Variants in PHACTR1 observed in about 807,000 individuals in gnomAD.
The protein encoded by PHACTR1 is RPEL repeat containing 1.
A neutral mutation model predicts 69.2 loss-of-function variants in PHACTR1; 16 were observed. That is an observed-to-expected ratio of 0.23 (90% confidence interval 0.16 to 0.35). The LOEUF is 0.35. PHACTR1 is among the 10% of genes least tolerant of loss of function. The pLI, the probability that PHACTR1 is intolerant of heterozygous loss-of-function variation, is 1.00. For missense variants in PHACTR1, 510 were observed against 734.7 expected (o/e 0.69, Z 3.54); for synonymous variants, 312 against 284.5 (o/e 1.10, Z -0.97).
intron 3 of PHACTR1, among the ~76,000 whole-genome samples, chr6:12,749,044 A>G (rs1766178981): frequency 6.6e-6 from 1 of 152,216 alleles, no homozygotes; most frequent in African/African-American, 2.4e-5. Context: ...TGGGCTGGGC[A>G]CAATGCCCTC....
intron 4 of PHACTR1, among the ~76,000 whole-genome samples, chr6:12,868,339 C>T (rs1781677219): frequency 6.6e-6 from 1 of 151,236 alleles, no homozygotes; most frequent in South Asian, 2.1e-4. Context: ...TCTGAAGTTC[C>T]TTAAGGAATG....
At chr6:13,095,064 G>A (rs543213442) in intron 5 of PHACTR1, among the ~76,000 whole-genome samples, 4 of 152,280 alleles carry the variant, frequency 2.6e-5, no homozygotes, top group East Asian at 1.9e-4. Context: ...ACACAGCACC[G>A]TGGCTGCCAC....
rs575988272 is a variant in PHACTR1, at chr6:12,740,449, C to T, written c.104-9195C>T. On this transcript the variant is annotated intron_variant, in intron 3 of 14. Coordinates refer to ENST00000332995, the MANE Select transcript of PHACTR1 (RefSeq NM_030948.6). Reference sequence around the variant, plus strand: ...TTTAAAATTTTAGCCAGATTATAGCCTCATTGAGGCTATAATTTGAATCTA... The same window carrying T: ...TTTAAAATTTTAGCCAGATTATAGCTTCATTGAGGCTATAATTTGAATCTA... 9.9e-5 allele frequency among the ~76,000 whole-genome samples: 15 copies of T among 152,138 alleles called. No homozygotes were observed. In the South Asian group the frequency reaches 3.1e-3, roughly 32 times the overall value.
intron 12 of PHACTR1, among the ~76,000 whole-genome samples, chr6:13,282,815 A>T (rs1252073952): frequency 6.6e-6 from 1 of 151,922 alleles, no homozygotes; most frequent in Admixed American, 6.6e-5. Flanking sequence ...AGGACAGATA[A>T]GAAGAAATCC....
rs148954663 is a variant in PHACTR1, at chr6:13,246,331, C to T, written c.1391+16138C>T. Among the ~76,000 whole-genome samples the T allele has an allele frequency of 6.0e-4, 91 of 152,078 alleles. 1 individual carries two copies. The highest frequency in any genetic ancestry group is 2.0e-3 in the African/African-American group (85 of 41,532). On this transcript the variant is annotated intron_variant, in intron 10 of 14. Transcript: ENST00000332995. The surrounding 1 kb of genome is among the most constrained non-coding windows in gnomAD (Gnocchi z 4.2). ...ATTCTCCCACAGATACATTCTTTCA[C>T]GGCCACCATGATCTTCCTTGATCCC...
At position 13,163,126 on chromosome 6, in the gene PHACTR1, C is replaced by T. The variant is rs556675642; in HGVS notation, c.496+2842C>T. ...CGGGTGTGGTGGCATGCGCCTGTAGCCCCAGCTACTTGGGAGGCTGAGGCA... is the reference window on the plus strand; with the variant it reads ...CGGGTGTGGTGGCATGCGCCTGTAGTCCCAGCTACTTGGGAGGCTGAGGCA... On this transcript the variant is annotated intron_variant, in intron 6 of 14. Coordinates refer to ENST00000332995, the MANE Select transcript of PHACTR1 (RefSeq NM_030948.6). Among the ~76,000 whole-genome samples, 8 of 152,166 alleles carry T rather than the reference C, an allele frequency of 5.3e-5. No individual in the cohort carries two copies. The South Asian group carries it at 1.7e-3, about 32-fold the overall frequency.
At chr6:12,864,266 A>G (rs896136149) in intron 4 of PHACTR1, among the ~76,000 whole-genome samples, 1 of 152,186 alleles carries the variant, frequency 6.6e-6, no homozygotes, top group African/African-American at 2.4e-5. Flanking sequence ...CCCCATCCCC[A>G]CAGTGTCGGG....
chr6:12,764,054 G>A (rs6916397), intron 4 of PHACTR1, among the ~76,000 whole-genome samples: 68,269 of 152,000 alleles, frequency 0.45, 16,240 homozygotes, highest in African/African-American at 0.58. Flanking sequence ...TTGAAATGGT[G>A]ACACTAATTT....
chr6:12,810,602 C>T (rs1402437582), intron 4 of PHACTR1, among the ~76,000 whole-genome samples: 5 of 152,100 alleles, frequency 3.3e-5, no homozygotes, highest in Admixed American at 3.3e-4. Flanking sequence ...GAGGCTGCTC[C>T]ACCTGCCAGA....
chr6:13,283,501 A>G lies in PHACTR1; in HGVS notation c.1589A>G (p.Asp530Gly). The stretch of plus-strand genomic sequence containing the variant: ...TTCAGTGACTACGTGGAGGTGGCTG[A>G]CGCTCAGGACTATGACCGCAGGGCA... The part of the protein sequence containing the change: ...IRFSDYVEVA[D>G]AQDYDRRADK... The change falls in exon 13 of 15, where the codon GAC (aspartate) becomes GGC (glycine). Residue 530 changes from aspartate to glycine, a missense_variant. Physicochemically the swap from Asp to Gly is moderately conservative, Grantham distance 94. Transcript: ENST00000332995. The surrounding 1 kb of genome is among the most constrained non-coding windows in gnomAD (Gnocchi z 4.7). 1 of 1,613,922 alleles carries G rather than the reference A, an allele frequency of 6.2e-7. No homozygotes were observed. The highest frequency in any genetic ancestry group is 8.5e-7 in the Non-Finnish European group (1 of 1,179,858).
At chr6:13,201,552 G>T (rs985841665) in intron 7 of PHACTR1, among the ~76,000 whole-genome samples, 2 of 152,128 alleles carry the variant, frequency 1.3e-5, no homozygotes, top group African/African-American at 4.8e-5. Context: ...ATAGATATCT[G>T]GTACAGAGTG....
chr6:13,231,239 A>G (rs1771055318), intron 10 of PHACTR1, among the ~76,000 whole-genome samples: 1 of 141,384 alleles, frequency 7.1e-6, no homozygotes, highest in African/African-American at 2.7e-5. Context: ...AAAGAGAGAA[A>G]GAAAGAAGGA....
chr6:12,742,172 A>T (rs1765138004), intron 3 of PHACTR1, among the ~76,000 whole-genome samples: 1 of 152,222 alleles, frequency 6.6e-6, no homozygotes, highest in Non-Finnish European at 1.5e-5. Context: ...TGGCAGAGGC[A>T]TGGGCCACTC....
intron 6 of PHACTR1, among the ~76,000 whole-genome samples, chr6:13,178,080 G>C (rs1351649907): frequency 6.6e-6 from 1 of 152,180 alleles, no homozygotes; most frequent in East Asian, 1.9e-4. Context: ...TAGATCCGTT[G>C]CTTTCTATGT....
intron 10 of PHACTR1, among the ~76,000 whole-genome samples, chr6:13,249,245 C>T (rs933146422): frequency 6.6e-6 from 1 of 151,980 alleles, no homozygotes; most frequent in African/African-American, 2.4e-5. Flanking sequence ...AGATCAGTGG[C>T]GGCATTAGAT....
At chr6:12,772,166 T>C (rs1769470811) in intron 4 of PHACTR1, among the ~76,000 whole-genome samples, 1 of 152,228 alleles carries the variant, frequency 6.6e-6, no homozygotes, top group South Asian at 2.1e-4. Flanking sequence ...ATATTGTTTT[T>C]CTGTTTTCAC....
chr6:12,933,040 A>C (rs905583515), intron 4 of PHACTR1, among the ~76,000 whole-genome samples: 1 of 148,476 alleles, frequency 6.7e-6, no homozygotes, highest in Non-Finnish European at 1.5e-5. Context: ...AGTTCAAGTG[A>C]TTCTACTGCC....
At chr6:12,877,623 G>A (rs1782671352) in intron 4 of PHACTR1, among the ~76,000 whole-genome samples, 1 of 152,042 alleles carries the variant, frequency 6.6e-6, no homozygotes, top group African/African-American at 2.4e-5. Context: ...GGGTCCCTAG[G>A]TGTGCCCCGG....
chr6:13,073,874 CTT>C (rs539046328), intron 5 of PHACTR1, among the ~76,000 whole-genome samples: 2 of 141,116 alleles, frequency 1.4e-5, no homozygotes, highest in Non-Finnish European at 1.6e-5. Context: ...TTTTCTTTTT[CTT>C]TTTTTTTTTT....
Sources: allele counts gnomAD v4.1 joint callset (sites outside exome capture counted in the v4.1 genomes callset), GRCh38; gene constraint gnomAD v4.1.1; non-coding constraint Gnocchi (gnomAD v3.1); transcripts MANE v1.5; gene names NCBI Gene and HGNC (gene_info 2026-07-23, HGNC 2026-07-21).